The following RPTOR variants were observed in gnomAD, a reference collection of about 807,000 sequenced individuals.
RPTOR encodes regulatory associated protein of MTOR complex 1.
Under a neutral mutation model 169.9 loss-of-function variants are expected in RPTOR, and 21 were observed. The observed-to-expected ratio is 0.12, with a 90% confidence interval of 0.09 to 0.18. The LOEUF is 0.18. RPTOR is among the 10% of genes least tolerant of loss of function. RPTOR has a pLI of 1.00. For synonymous variants in RPTOR, 732 were observed against 753.2 expected, an observed-to-expected ratio of 0.97 and a Z score of 0.46; for missense variants, 1,133 against 1,855.9, an observed-to-expected ratio of 0.61 and a Z score of 7.16.
intron 31 of RPTOR, chr17:80,961,741 G>T (rs2069344982): frequency 6.6e-6 from 3 of 456,020 alleles, no homozygotes; most frequent in South Asian, 6.3e-5. Context: ...GGGTTCCGGG[G>T]GGAGTTGGGC....
chr17:80,857,420 G>A (rs549365164), intron 12 of RPTOR, among the ~76,000 whole-genome samples: 52 of 152,352 alleles, frequency 3.4e-4, no homozygotes, highest in Admixed American at 5.2e-4. Context: ...ACAGGTGGCC[G>A]TGGCTCGTAC....
At chr17:80,594,836 A>G (rs1568324885) in intron 1 of RPTOR, among the ~76,000 whole-genome samples, 1 of 152,232 alleles carries the variant, frequency 6.6e-6, no homozygotes, top group Non-Finnish European at 1.5e-5. Flanking sequence ...GATTTCTCCC[A>G]TGAAGCTTAG....
At chr17:80,891,951 C>T (rs1316989934) in intron 18 of RPTOR, 114 bp downstream of exon 18, 13 of 623,876 alleles carry the variant, frequency 2.1e-5, no homozygotes, top group Non-Finnish European at 3.6e-5. Flanking sequence ...TCTCAGATAC[C>T]TGCCGCAAGG....
chr17:80,684,984 T>G (rs1469622501), intron 3 of RPTOR, among the ~76,000 whole-genome samples: 1 of 152,224 alleles, frequency 6.6e-6, no homozygotes, highest in Non-Finnish European at 1.5e-5. Context: ...TTCAGATGTA[T>G]TTTGTATTAA....
chr17:80,800,522 C>G (rs183063148), intron 7 of RPTOR, among the ~76,000 whole-genome samples: 11 of 152,282 alleles, frequency 7.2e-5, no homozygotes, highest in African/African-American at 2.6e-4. Flanking sequence ...AATCTGTTTT[C>G]TAATTAAGCT....
chr17:80,823,360 T>A lies in RPTOR; in HGVS notation c.1136+137T>A. 4.0e-6 allele frequency: 4 copies of A among 990,796 alleles called. No individual in the cohort carries two copies. The South Asian group carries it at 6.5e-5, about 16-fold the overall frequency. The allele number at this position is 990,796 out of a possible 1,614,324, so 61.4% of individuals were successfully genotyped here. A position where few individuals can be genotyped will look rare whatever the true frequency, so the allele number is the denominator to read the frequency against. ...CCCGTGTAGCATTAACAAGTGAAGC[T>A]AAATGCAGGGCTCCCAGAGATCTCC... On this transcript the variant is annotated intron_variant, in intron 9 of 33. Transcript: ENST00000306801. This position sits in a 1 kb window ranked among gnomAD's most constrained non-coding sequence, Gnocchi z 4.5.
intron 1 of RPTOR, among the ~76,000 whole-genome samples, chr17:80,547,639 T>A (rs1161892395): frequency 6.6e-6 from 1 of 152,172 alleles, no homozygotes; most frequent in East Asian, 1.9e-4. Flanking sequence ...GAGTTTGGAA[T>A]CTTGTCATCT....
At chr17:80,814,836 G>A (rs2067307539) in intron 7 of RPTOR, among the ~76,000 whole-genome samples, 1 of 152,156 alleles carries the variant, frequency 6.6e-6, no homozygotes, top group African/African-American at 2.4e-5. Flanking sequence ...CAGCTCTCTG[G>A]GCAGGCATCA....
At chr17:80,639,047 C>T (rs764428478) in intron 2 of RPTOR, among the ~76,000 whole-genome samples, 3 of 152,280 alleles carry the variant, frequency 2.0e-5, no homozygotes, top group East Asian at 1.9e-4. Flanking sequence ...GAAGATCACA[C>T]GCCTCTCACT....
rs1044288485 is a variant in RPTOR at position 80,754,341 on chromosome 17, G to A, written c.830+156G>A. 2.0e-5 allele frequency among the ~76,000 whole-genome samples: 3 copies of A among 152,172 alleles called. No individual in the cohort carries two copies. Among genetic ancestry groups the A allele is most frequent in the Non-Finnish European group, 2.9e-5 (2 of 68,032 alleles). Reference sequence around the variant, plus strand: ...CTTTTTGTGTCATTCGGGATTCCAGGTGGAGGTTTGGGTTCTACTCTTTGA... The same window carrying A: ...CTTTTTGTGTCATTCGGGATTCCAGATGGAGGTTTGGGTTCTACTCTTTGA... On this transcript the variant is annotated intron_variant, in intron 6 of 33. Coordinates refer to ENST00000306801, the MANE Select transcript of RPTOR (RefSeq NM_020761.3). This position sits in a 1 kb window ranked among gnomAD's most constrained non-coding sequence, Gnocchi z 4.2.
At position 80,922,854 on chromosome 17, in the gene RPTOR, G is replaced by A. The variant is rs1300860577; in HGVS notation, c.2624+27G>A. The A allele has an allele frequency of 3.3e-6, 5 of 1,532,346 alleles. No individual in the cohort carries two copies. In the South Asian group the frequency reaches 6.0e-5, roughly 18 times the overall value. The allele number at this position is 1,532,346 out of a possible 1,614,324, so 94.9% of individuals were successfully genotyped here. On this transcript the variant is annotated intron_variant, in intron 22 of 33. Transcript: ENST00000306801. ...TAAGTGCCGCCCGCTCAGCCTGCAG[G>A]TCCGTGGTGGTGACCGGGGCCCCAC...
chr17:80,714,141 A>G (rs952680809), intron 4 of RPTOR, among the ~76,000 whole-genome samples: 12 of 152,128 alleles, frequency 7.9e-5, no homozygotes, highest in African/African-American at 2.9e-4. Context: ...GGGTTTCACC[A>G]TGTTGACTGG....
At chr17:80,895,985 T>A (rs971840579) in intron 20 of RPTOR, among the ~76,000 whole-genome samples, 8 of 152,238 alleles carry the variant, frequency 5.3e-5, no homozygotes, top group Non-Finnish European at 8.8e-5. Context: ...AATCTATGAC[T>A]TTTTATGATG....
intron 1 of RPTOR, among the ~76,000 whole-genome samples, chr17:80,546,609 A>G (rs1384712234): frequency 6.6e-6 from 1 of 152,106 alleles, no homozygotes; most frequent in Non-Finnish European, 1.5e-5. Context: ...TCTTTTTGTA[A>G]GTTATTTTCT....
At chr17:80,841,303 C>T (rs1290551439) in intron 10 of RPTOR, among the ~76,000 whole-genome samples, 1 of 112,376 alleles carries the variant, frequency 8.9e-6, no homozygotes, top group Non-Finnish European at 1.8e-5. Context: ...TCTCACAGCA[C>T]GGCAGCTCAC....
Position 80,651,262 on chromosome 17 carries a change from G to T in RPTOR, c.348+7452G>T, listed in dbSNP as rs568812999. ...ATGGAAAGCTAAATTTGGAGGTGAC[G>T]ATGAGGAACCCACCGTATGCTCGCC... On this transcript the variant is annotated intron_variant, in intron 3 of 33. Coordinates refer to ENST00000306801, the MANE Select transcript of RPTOR (RefSeq NM_020761.3). The surrounding 1 kb of genome is among the most constrained non-coding windows in gnomAD (Gnocchi z 4.1). Among the ~76,000 whole-genome samples the T allele has an allele frequency of 6.6e-6, 1 of 152,302 alleles. No individual in the cohort carries two copies. Among genetic ancestry groups the T allele is most frequent in the South Asian group, 2.1e-4 (1 of 4,830 alleles).
chr17:80,891,966 C>T, intron 18 of RPTOR, 129 bp downstream of exon 18: 1 of 565,626 alleles, frequency 1.8e-6, no homozygotes, highest in South Asian at 2.8e-5. Flanking sequence ...GCAAGGGGTC[C>T]CTGTTTTTCT....
chr17:80,744,611 A>T lies in RPTOR; in HGVS notation c.655-9399A>T, dbSNP rs1253970971. ...CTAGCACTGTCCTGGTTACTAGCAC[A>T]GCCCTGGTTACTAGCAGAGCCCTGG... On this transcript the variant is annotated intron_variant, in intron 5 of 33. Coordinates refer to ENST00000306801, the MANE Select transcript of RPTOR (RefSeq NM_020761.3). Among the ~76,000 whole-genome samples the T allele has an allele frequency of 2.8e-4, 11 of 39,262 alleles. 1 individual carries two copies. The highest frequency in any genetic ancestry group is 1.4e-3 in the South Asian group (2 of 1,410). The allele number at this position is 39,262 out of a possible 152,430, so 25.8% of individuals were successfully genotyped here.
intron 13 of RPTOR, among the ~76,000 whole-genome samples, chr17:80,864,996 T>C (rs1290166725): frequency 6.6e-6 from 1 of 152,236 alleles, no homozygotes; most frequent in Non-Finnish European, 1.5e-5. Flanking sequence ...CCCCACAGAA[T>C]GTATAACATT....
Sources: gnomAD v4.1 joint callset for allele counts (sites outside exome capture counted in the v4.1 genomes callset) on GRCh38, gnomAD v4.1.1 for gene constraint, Gnocchi (gnomAD v3.1) non-coding constraint, MANE v1.5 for transcripts, NCBI Gene and HGNC (gene_info 2026-07-23, HGNC 2026-07-21) for gene names.